The following RPS6KA4 variants were observed in gnomAD, a reference collection of about 807,000 sequenced individuals.
The protein encoded by RPS6KA4 is ribosomal protein S6 kinase A4.
In RPS6KA4, 38 loss-of-function variants were observed where a neutral mutation model predicts 89.6. That is an observed-to-expected ratio of 0.42 (90% CI 0.33 to 0.56). The LOEUF is 0.56. Ranked by LOEUF, RPS6KA4 falls within the 20% of genes least tolerant of loss-of-function variation. RPS6KA4 has a pLI of 0.07. For synonymous variants in RPS6KA4, 495 were observed against 492.8 expected (o/e 1.00, Z -0.06); for missense variants, 873 against 1,098.8 (o/e 0.79, Z 2.90).
At chr11:64,363,725 C>T (rs914538884) in intron 8 of RPS6KA4, among the ~76,000 whole-genome samples, 5 of 152,072 alleles carry the variant, frequency 3.3e-5, no homozygotes, top group South Asian at 2.1e-4. Context: ...CTCCTGGTCT[C>T]GTGATCTGCC....
intron 2 of RPS6KA4, chr11:64,359,801 G>A (rs779846105): frequency 3.8e-6 from 2 of 521,878 alleles, no homozygotes; most frequent in Non-Finnish European, 6.8e-6. Flanking sequence ...GCTGGTTTGC[G>A]CATCCCTTCC....
At chr11:64,362,785 C>T (rs528110934) in intron 8 of RPS6KA4, among the ~76,000 whole-genome samples, 2 of 152,228 alleles carry the variant, frequency 1.3e-5, no homozygotes, top group South Asian at 4.1e-4. Flanking sequence ...ATTTTCCTGC[C>T]TCAGCCTCCC....
Position 64,370,714 on chromosome 11 carries a change from C to A in RPS6KA4, c.2109C>A (p.Asn703Lys). Residue 703 changes from asparagine (N) to lysine (K), a missense_variant, in exon 16 of 17, where the codon AAC (asparagine) becomes AAA (lysine). Physicochemically the swap from Asn to Lys is moderately conservative, Grantham distance 94. This residue lies in a region of RPS6KA4 where 278 missense variants were observed against 284.8 expected (regional missense o/e 0.98). Coordinates refer to ENST00000334205, the MANE Select transcript of RPS6KA4 (RefSeq NM_003942.3). The surrounding 1 kb of genome is among the most constrained non-coding windows in gnomAD (Gnocchi z 4.1). ...GGCCCGCAGTGCGCTCGGGTCTCAA[C>A]GCCACCTTCATGGTAAGGGGCAGGG... ...SSGPAVRSGL[N>K]ATFMAFNRGK... 1 of 1,554,978 alleles carries A rather than the reference C, an allele frequency of 6.4e-7. No homozygotes were observed. The highest frequency in any genetic ancestry group is 8.7e-7 in the Non-Finnish European group (1 of 1,153,472).
chr11:64,360,345 G>A lies in RPS6KA4; in HGVS notation c.310G>A (p.Ala104Thr). Residue 104 changes from alanine (A) to threonine (T), a missense_variant, in exon 3 of 17, where the codon GCT (alanine) becomes ACT (threonine). By Grantham distance (58) the Ala-to-Thr change is moderately conservative (BLOSUM62 0). Coordinates refer to ENST00000334205, the MANE Select transcript of RPS6KA4 (RefSeq NM_003942.3). ...GCCCTTCCTGGTCACGCTGCACTAC[G>A]CTTTCCAGACGGATGCCAAGCTGCA... ...QAPFLVTLHYAFQTDAKLHLI... is the reference protein window; with the variant it reads ...QAPFLVTLHYTFQTDAKLHLI... 3 of 1,549,796 alleles carry A rather than the reference G, an allele frequency of 1.9e-6. No homozygotes were observed. Among genetic ancestry groups the A allele is most frequent in the Non-Finnish European group, 1.7e-6 (2 of 1,146,604 alleles).
In RPS6KA4 at chr11:64,370,704, C is replaced by T. The variant is rs2037041751; in HGVS notation, c.2099C>T (p.Ser700Leu). 5 of 1,560,112 alleles carry T rather than the reference C, an allele frequency of 3.2e-6. No individual in the cohort carries two copies. Among genetic ancestry groups the T allele is most frequent in the African/African-American group, 1.3e-5 (1 of 74,266 alleles). The part of the protein sequence containing the change: ...VLESSGPAVR[S>L]GLNATFMAFN... ...GAGTCCTCTGGGCCCGCAGTGCGCT[C>T]GGGTCTCAACGCCACCTTCATGGTA... Residue 700 changes from serine to leucine, a missense_variant, in exon 16 of 17, where the codon TCG (serine) becomes TTG (leucine). Physicochemically the swap from Ser to Leu is moderately radical, Grantham distance 145 (BLOSUM62 -2). This residue lies in a region of RPS6KA4 where 278 missense variants were observed against 284.8 expected (regional missense o/e 0.98). Transcript: ENST00000334205. The surrounding 1 kb of genome is among the most constrained non-coding windows in gnomAD (Gnocchi z 4.1).
chr11:64,369,476 C>T lies in RPS6KA4; in HGVS notation c.1459C>T (p.Arg487Trp), dbSNP rs767081339. Residue 487 changes from arginine (R) to tryptophan (W), a missense_variant, in exon 13 of 17, where the codon CGG becomes TGG. Around this residue, in one of 4 missense-constraint regions of RPS6KA4, gnomAD observed 542 missense variants for 736.4 expected, o/e 0.74. Coordinates refer to ENST00000334205, the MANE Select transcript of RPS6KA4 (RefSeq NM_003942.3). ...CACGTACCTGGTCCTGGAGCTGCTG[C>T]GGGGCGGGGAGCTGCTGGAGCACAT... ...LHTYLVLELL[R>W]GGELLEHIRK... 4.4e-6 allele frequency: 7 copies of T among 1,608,446 alleles called. No individual in the cohort carries two copies. Among genetic ancestry groups the T allele is most frequent in the South Asian group, 2.2e-5 (2 of 90,690 alleles).
chr11:64,370,574 G>T lies in RPS6KA4; in HGVS notation c.1969G>T (p.Val657Leu), dbSNP rs1042013912. ...AKELVRGLLT[V>L]DPAKRLKLEG... is the part of the protein sequence containing the mutation. ...TGCCCCGCCTCCAGGGCTCCTGACC[G>T]TGGACCCCGCCAAGCGGCTGAAGCT... Residue 657 changes from valine (V) to leucine (L), a missense_variant, in exon 16 of 17, where the codon GTG becomes TTG. Val to Leu is a conservative substitution (Grantham distance 32). Coordinates refer to ENST00000334205, the MANE Select transcript of RPS6KA4 (RefSeq NM_003942.3). This position sits in a 1 kb window ranked among gnomAD's most constrained non-coding sequence, Gnocchi z 4.1. The T allele has an allele frequency of 6.3e-7, 1 of 1,592,676 alleles. No homozygotes were observed. Among genetic ancestry groups the T allele is most frequent in the African/African-American group, 1.3e-5 (1 of 74,924 alleles).
At position 64,360,146 on chromosome 11, in the gene RPS6KA4, A is replaced by G. The variant is rs1241632033; in HGVS notation, c.128-17A>G. Reference sequence around the variant, plus strand: ...CCCGCTCACAGCCCACCCTCCACCCACTCGCTGCTCCCACAGCCTACGGCA... The same window carrying G: ...CCCGCTCACAGCCCACCCTCCACCCGCTCGCTGCTCCCACAGCCTACGGCA... On this transcript the variant is annotated splice_polypyrimidine_tract_variant and intron_variant, in intron 2 of 16. Transcript: ENST00000334205. 2 of 1,535,634 alleles carry G rather than the reference A, an allele frequency of 1.3e-6. No homozygotes were observed. Among genetic ancestry groups the G allele is most frequent in the African/African-American group, 1.4e-5 (1 of 72,416 alleles).
Position 64,360,294 on chromosome 11 carries a change from T to C in RPS6KA4, c.259T>C (p.Ser87Pro). The C allele has an allele frequency of 6.5e-7, 1 of 1,547,998 alleles. No individual in the cohort carries two copies. Among genetic ancestry groups the C allele is most frequent in the South Asian group, 1.2e-5 (1 of 83,908 alleles). The change falls in exon 3 of 17, where the codon TCG becomes CCG. Residue 87 changes from serine to proline, a missense_variant. By Grantham distance (74) the Ser-to-Pro change is moderately conservative. This residue lies in a region of RPS6KA4 where 542 missense variants were observed against 736.4 expected (regional missense o/e 0.74). Transcript: ENST00000334205. ...KTQEHTRTER[S>P]VLELVRQAPF... The stretch of plus-strand genomic sequence containing the variant: ...GCAAGAGCACACGCGCACCGAGCGC[T>C]CGGTGCTGGAGCTGGTGCGCCAGGC...
Position 64,368,559 on chromosome 11 carries a change from G to T in RPS6KA4, c.1292G>T (p.Arg431Leu). 1 of 1,597,404 alleles carries T rather than the reference G, an allele frequency of 6.3e-7. No individual in the cohort carries two copies. The highest frequency in any genetic ancestry group is 8.5e-7 in the Non-Finnish European group (1 of 1,174,484). ...TCTGTGTGTCGCCGCTGCCGCCAGC[G>T]CCAGAGCGGCCAGGAGTTCGCAGTC... ...SFSVCRRCRQ[R>L]QSGQEFAVKI... is the part of the protein sequence containing the mutation. The change falls in exon 11 of 17, where the codon CGC (arginine) becomes CTC (leucine). Residue 431 changes from arginine (R) to leucine (L), a missense_variant. Arg to Leu is a moderately radical substitution (Grantham distance 102). Around this residue, in one of 4 missense-constraint regions of RPS6KA4, gnomAD observed 542 missense variants for 736.4 expected, o/e 0.74. Transcript: ENST00000334205.
Position 64,361,852 on chromosome 11 carries a change from A to G in RPS6KA4, c.756A>G (p.Arg252=). 1 of 1,611,656 alleles carries G rather than the reference A, an allele frequency of 6.2e-7. No individual in the cohort carries two copies. The highest frequency in any genetic ancestry group is 8.5e-7 in the Non-Finnish European group (1 of 1,179,424). Reference sequence around the variant, plus strand: ...CCTGACACCCCCCCAATCCTCCCAGACGGATCCTGAAGTGCTCCCCTCCCT... The same window carrying G: ...CCTGACACCCCCCCAATCCTCCCAGGCGGATCCTGAAGTGCTCCCCTCCCT... The part of the protein sequence containing the change: ...GERNTQAEVS[R]RILKCSPPFP... The change falls in exon 8 of 17, where the codon CGA becomes CGG. Residue 252 remains arginine, a splice_region_variant and synonymous_variant. Coordinates refer to ENST00000334205, the MANE Select transcript of RPS6KA4 (RefSeq NM_003942.3). This position sits in a 1 kb window ranked among gnomAD's most constrained non-coding sequence, Gnocchi z 4.7.
intron 16 of RPS6KA4, among the ~76,000 whole-genome samples, chr11:64,371,013 A>G (rs2037055377): frequency 6.7e-6 from 1 of 148,606 alleles, no homozygotes; most frequent in Middle Eastern, 3.2e-3. Flanking sequence ...CTGAGGCAGG[A>G]GAATCTCTTG....
At chr11:64,362,643 G>A (rs1416786015) in intron 8 of RPS6KA4, among the ~76,000 whole-genome samples, 3 of 152,176 alleles carry the variant, frequency 2.0e-5, no homozygotes, top group South Asian at 2.1e-4. Flanking sequence ...GGCCCTTTGC[G>A]GACATGAACT....
Position 64,360,279 on chromosome 11 carries a change from A to T in RPS6KA4, c.244A>T (p.Thr82Ser). The T allele has an allele frequency of 6.5e-7, 1 of 1,547,422 alleles. No homozygotes were observed. The highest frequency in any genetic ancestry group is 1.2e-5 in the South Asian group (1 of 83,904). ...GCAGCGCGCCAAGACGCAAGAGCAC[A>T]CGCGCACCGAGCGCTCGGTGCTGGA... ...LVQRAKTQEH[T>S]RTERSVLELV... Residue 82 changes from threonine (T) to serine (S), a missense_variant, in exon 3 of 17, where the codon ACG becomes TCG. Coordinates refer to ENST00000334205, the MANE Select transcript of RPS6KA4 (RefSeq NM_003942.3).
chr11:64,361,545 G>T lies in RPS6KA4; in HGVS notation c.647G>T (p.Gly216Val). The T allele has an allele frequency of 6.2e-7, 1 of 1,614,154 alleles. No homozygotes were observed. Among genetic ancestry groups the T allele is most frequent in the Non-Finnish European group, 8.5e-7 (1 of 1,180,024 alleles). The change falls in exon 6 of 17, where the codon GGC becomes GTC. Residue 216 changes from glycine to valine, a missense_variant. Transcript: ENST00000334205. This position sits in a 1 kb window ranked among gnomAD's most constrained non-coding sequence, Gnocchi z 4.7. ...ATCATCCGTAGCAAGACGGGGCATG[G>T]CAAGGTAGGTTGGCAGGGAAGTGGG... ...PEIIRSKTGHGKAVDWWSLGI... is the reference protein window; with the variant it reads ...PEIIRSKTGHVKAVDWWSLGI...
intron 9 of RPS6KA4, among the ~76,000 whole-genome samples, chr11:64,367,339 T>C (rs2036909702): frequency 6.6e-6 from 1 of 151,804 alleles, no homozygotes; most frequent in South Asian, 2.1e-4. Flanking sequence ...AGACGCAGTT[T>C]CGCTCTTGTT....
chr11:64,370,668 C>A lies in RPS6KA4; in HGVS notation c.2063C>A (p.Pro688His). The A allele has an allele frequency of 3.2e-6, 5 of 1,571,368 alleles. No homozygotes were observed. The highest frequency in any genetic ancestry group is 4.3e-6 in the Non-Finnish European group (5 of 1,165,054). The change falls in exon 16 of 17, where the codon CCC becomes CAC. Residue 688 changes from proline to histidine, a missense_variant. By Grantham distance (77) the Pro-to-His change is moderately conservative. Transcript: ENST00000334205. The surrounding 1 kb of genome is among the most constrained non-coding windows in gnomAD (Gnocchi z 4.1). ...SARSSPPLRTPDVLESSGPAV... is the reference protein window; with the variant it reads ...SARSSPPLRTHDVLESSGPAV... ...CGCTCCTCGCCCCCGCTCCGGACGC[C>A]CGACGTGCTCGAGTCCTCTGGGCCC...
chr11:64,360,158 C>T lies in RPS6KA4; in HGVS notation c.128-5C>T. The T allele has an allele frequency of 1.3e-6, 2 of 1,542,930 alleles. No individual in the cohort carries two copies. The highest frequency in any genetic ancestry group is 1.7e-6 in the Non-Finnish European group (2 of 1,144,018). ...CCACCCTCCACCCACTCGCTGCTCCCACAGCCTACGGCAAGGTGTTCCTGG... is the reference window on the plus strand; with the variant it reads ...CCACCCTCCACCCACTCGCTGCTCCTACAGCCTACGGCAAGGTGTTCCTGG... On this transcript the variant is annotated splice_polypyrimidine_tract_variant and splice_region_variant and intron_variant, in intron 2 of 16. Coordinates refer to ENST00000334205, the MANE Select transcript of RPS6KA4 (RefSeq NM_003942.3).
At chr11:64,366,106 G>A (rs1591315146) in intron 9 of RPS6KA4, among the ~76,000 whole-genome samples, 1 of 151,662 alleles carries the variant, frequency 6.6e-6, no homozygotes, top group East Asian at 1.9e-4. Context: ...TGTTGATATT[G>A]TGGCTTTGCA....
Sources: allele counts gnomAD v4.1 joint callset (sites outside exome capture counted in the v4.1 genomes callset), GRCh38; gene constraint gnomAD v4.1.1; regional missense constraint gnomAD v4.1.1; non-coding constraint Gnocchi (gnomAD v3.1); transcripts MANE v1.5; gene names NCBI Gene and HGNC (gene_info 2026-07-23, HGNC 2026-07-21).